Variants in CREB1 observed in about 807,000 individuals in gnomAD.
CREB1 encodes the protein cyclic AMP-responsive element-binding protein 1.
CREB1 carries 2 observed loss-of-function variants against 42.0 expected under a neutral mutation model. The observed-to-expected ratio is 0.05, with a 90% CI of 0.02 to 0.15. The LOEUF is 0.15. Ranked by LOEUF, CREB1 falls within the 10% of genes least tolerant of loss-of-function variation. CREB1 has a pLI of 1.00. For missense variants in CREB1, 199 were observed against 388.9 expected (o/e 0.51, Z 4.11); for synonymous variants, 123 against 139.9 (o/e 0.88, Z 0.85).
chr2:207,588,628 A>G (rs544645240), intron 7 of CREB1, among the ~76,000 whole-genome samples: 2 of 152,192 alleles, frequency 1.3e-5, no homozygotes, highest in South Asian at 2.1e-4. Flanking sequence ...CATCTTAGCA[A>G]TACTTAGTTT....
chr2:207,531,042 T>C (rs2080599365), intron 1 of CREB1, among the ~76,000 whole-genome samples: 1 of 151,968 alleles, frequency 6.6e-6, no homozygotes, highest in African/African-American at 2.4e-5. Context: ...GAAAAACATT[T>C]ATAATAACTT....
At position 207,570,253 on chromosome 2, in the gene CREB1, C is replaced by T. The variant is rs942074081; in HGVS notation, c.437C>T (p.Thr146Ile). 6.2e-7 allele frequency: 1 copy of T among 1,613,790 alleles called. No individual in the cohort carries two copies. Among genetic ancestry groups the T allele is most frequent in the Admixed American group, 1.7e-5 (1 of 59,998 alleles). ...RIEEEKSEEE[T>I]SAPAITTVTV... ...GAAGAAGAGAAGTCTGAAGAGGAGA[C>T]TTCAGCACCTGCCATCACCACTGTA... Residue 146 changes from threonine to isoleucine, a missense_variant, in exon 5 of 8, where the codon ACT becomes ATT. Around this residue, in one of 4 missense-constraint regions of CREB1, gnomAD observed 66 missense variants for 150.8 expected, o/e 0.44. Transcript: ENST00000353267.
At position 207,577,540 on chromosome 2, in the gene CREB1, A is replaced by G; in HGVS notation, c.724A>G (p.Thr242Ala). ...AGACGTACAAACATACCAGATTCGC[A>G]CAGCACCCACTAGCACTATTGCCCC... ...SGDVQTYQIR[T>A]APTSTIAPGV... Residue 242 changes from threonine to alanine, a missense_variant, in exon 7 of 8, where the codon ACA becomes GCA. By Grantham distance (58) the Thr-to-Ala change is moderately conservative. This residue lies in a region of CREB1 where 66 missense variants were observed against 88.1 expected (regional missense o/e 0.75). Coordinates refer to ENST00000353267, the MANE Select transcript of CREB1 (RefSeq NM_004379.5). 6.2e-7 allele frequency: 1 copy of G among 1,614,014 alleles called. No individual in the cohort carries two copies. Among genetic ancestry groups the G allele is most frequent in the Non-Finnish European group, 8.5e-7 (1 of 1,179,962 alleles).
At chr2:207,551,699 G>A (rs1185328266) in intron 1 of CREB1, among the ~76,000 whole-genome samples, 1 of 152,002 alleles carries the variant, frequency 6.6e-6, no homozygotes, top group East Asian at 1.9e-4. Context: ...TTTATTACGT[G>A]GCCATGTAAT....
intron 3 of CREB1, among the ~76,000 whole-genome samples, chr2:207,564,193 T>G (rs1234308018): frequency 6.6e-6 from 1 of 152,144 alleles, no homozygotes; most frequent in African/African-American, 2.4e-5. Flanking sequence ...AGATCATTGA[T>G]CTAGACTTTC....
intron 1 of CREB1, among the ~76,000 whole-genome samples, chr2:207,539,207 A>ATTT (rs528614868): frequency 3.8e-5 from 5 of 132,966 alleles, no homozygotes; most frequent in African/African-American, 1.4e-4. Context: ...TACCTGGCTA[A>ATTT]TTTTTTTTTT....
chr2:207,570,503 T>G (rs1344826705), intron 5 of CREB1, among the ~76,000 whole-genome samples, 182 bp downstream of exon 5: 1 of 152,252 alleles, frequency 6.6e-6, no homozygotes, highest in East Asian at 1.9e-4. Context: ...TTTTCTTTTC[T>G]TCAGAGAGTT....
chr2:207,604,011 A>G lies in CREB1; in HGVS notation c.*6953A>G, dbSNP rs1349632656. Among the ~76,000 whole-genome samples the G allele has an allele frequency of 2.0e-5, 3 of 152,182 alleles. No individual in the cohort carries two copies. The highest frequency in any genetic ancestry group is 7.2e-5 in the African/African-American group (3 of 41,446). ...TTGGAAGGCTTAATGAATTTCATTT[A>G]TTTTCTGCAACAACGATTACAGAAT... On this transcript the variant is annotated 3_prime_UTR_variant, in exon 8 of 8. Coordinates refer to ENST00000353267, the MANE Select transcript of CREB1 (RefSeq NM_004379.5).
rs144549614 is a variant in CREB1 at position 207,562,572 on chromosome 2, T to C, written c.261+2200T>C. Reference sequence around the variant, plus strand: ...GTACTTCTAATTTAAGAGTGTGTATTTATAAAAGAAAAGTTGGACTTATTG... The same window carrying C: ...GTACTTCTAATTTAAGAGTGTGTATCTATAAAAGAAAAGTTGGACTTATTG... On this transcript the variant is annotated intron_variant, in intron 3 of 7. Coordinates refer to ENST00000353267, the MANE Select transcript of CREB1 (RefSeq NM_004379.5). 5.8e-3 allele frequency among the ~76,000 whole-genome samples: 888 copies of C among 152,276 alleles called. 8 individuals carry two copies. In the Middle Eastern group the frequency reaches 0.065, roughly 11 times the overall value.
At chr2:207,571,064 A>T (rs1553502189) in intron 5 of CREB1, among the ~76,000 whole-genome samples, 17 of 32,848 alleles carry the variant, frequency 5.2e-4, no homozygotes, top group African/African-American at 4.7e-4. Context: ...TCATTCAGTG[A>T]TTTTTTTCAT....
intron 6 of CREB1, chr2:207,576,720 T>C (rs2082612108): frequency 8.2e-7 from 1 of 1,220,888 alleles, no homozygotes; most frequent in African/African-American, 1.6e-5. Context: ...ATAAATCTTT[T>C]CCACTCAAAC....
At chr2:207,537,283 C>T (rs2080913938) in intron 1 of CREB1, among the ~76,000 whole-genome samples, 1 of 152,116 alleles carries the variant, frequency 6.6e-6, no homozygotes, top group African/African-American at 2.4e-5. Context: ...CGTGATCCAC[C>T]CACCTCTGCC....
intron 1 of CREB1, among the ~76,000 whole-genome samples, chr2:207,554,268 CTTTCTT>C (rs2081629032): frequency 6.6e-6 from 1 of 152,108 alleles, no homozygotes; most frequent in African/African-American, 2.4e-5. Flanking sequence ...TTGTAAAACA[CTTTCTT>C]TTTATAGAAC....
chr2:207,549,429 TA>T (rs370054280), intron 1 of CREB1, among the ~76,000 whole-genome samples: 116 of 147,280 alleles, frequency 7.9e-4, no homozygotes, highest in Non-Finnish European at 8.9e-4. Flanking sequence ...CTCCCCCGCT[TA>T]AAAAAAAAAG....
intron 3 of CREB1, among the ~76,000 whole-genome samples, chr2:207,561,852 A>G (rs1391385396): frequency 1.3e-5 from 2 of 152,130 alleles, no homozygotes; most frequent in African/African-American, 2.4e-5. Flanking sequence ...ATTTTATACT[A>G]TTGAGTCATC....
intron 1 of CREB1, among the ~76,000 whole-genome samples, chr2:207,537,259 G>A (rs370489760): frequency 6.6e-6 from 1 of 151,954 alleles, no homozygotes; most frequent in Non-Finnish European, 1.5e-5. Context: ...GGATGGTCTC[G>A]ATCTCCTTGA....
At chr2:207,538,657 A>T (rs998460647) in intron 1 of CREB1, among the ~76,000 whole-genome samples, 1 of 152,242 alleles carries the variant, frequency 6.6e-6, no homozygotes, top group African/African-American at 2.4e-5. Flanking sequence ...GTGACATTTG[A>T]TTAGATAAGA....
chr2:207,558,821 T>C (rs776462042), intron 2 of CREB1, among the ~76,000 whole-genome samples: 4 of 152,092 alleles, frequency 2.6e-5, no homozygotes, highest in Admixed American at 1.3e-4. Context: ...TTTTGTATTT[T>C]TAGTAGAGAT....
rs192210277 is a variant in CREB1, at chr2:207,570,389, C to A, written c.505+68C>A. 26 of 1,435,096 alleles carry A rather than the reference C, an allele frequency of 1.8e-5. No homozygotes were observed. In the East Asian group the frequency reaches 6.0e-4, roughly 33 times the overall value. The allele number at this position is 1,435,096 out of a possible 1,614,324, so 88.9% of individuals were successfully genotyped here. ...AGTGAGGAGAAAAAGCTAATAGTTG[C>A]ATTCTCTTCAGAGAAACCAATACAA... On this transcript the variant is annotated intron_variant, in intron 5 of 7. Transcript: ENST00000353267.
Sources: allele counts gnomAD v4.1 joint callset (sites outside exome capture counted in the v4.1 genomes callset), GRCh38; gene constraint gnomAD v4.1.1; regional missense constraint gnomAD v4.1.1; transcripts MANE v1.5; gene names NCBI Gene and HGNC (gene_info 2026-07-23, HGNC 2026-07-21).